The following KHDRBS2 variants were observed in gnomAD, a reference collection of about 807,000 sequenced individuals.
KHDRBS2 encodes KH domain-containing, RNA-binding, signal transduction-associated protein 2.
A neutral mutation model predicts 44.3 loss-of-function variants in KHDRBS2; 26 were observed. The observed-to-expected ratio is 0.59, with a 90% CI of 0.43 to 0.81. KHDRBS2 has a LOEUF of 0.81. Ranked by LOEUF, KHDRBS2 falls within the 40% of genes least tolerant of loss-of-function variation. The probability of loss-of-function intolerance (pLI) is 0.00; values close to 1 mark genes in which losing one functional copy is unlikely to be tolerated. For missense variants in KHDRBS2, 476 were observed against 433.1 expected (o/e 1.10, Z -0.88); for synonymous variants, 194 against 151.1 (o/e 1.28, Z -2.08).
chr6:61,815,909 T>A (rs555763620), intron 6 of KHDRBS2, among the ~76,000 whole-genome samples: 2 of 152,280 alleles, frequency 1.3e-5, no homozygotes, highest in African/African-American at 4.8e-5. Flanking sequence ...ATAATGCATA[T>A]TTATATTAAA....
chr6:62,005,357 T>C (rs946238486), intron 3 of KHDRBS2, among the ~76,000 whole-genome samples: 1 of 152,048 alleles, frequency 6.6e-6, no homozygotes, highest in Non-Finnish European at 1.5e-5. Context: ...TCTATTCCTG[T>C]CATCATTATT....
chr6:62,111,816 A>T (rs1805063029), intron 2 of KHDRBS2, among the ~76,000 whole-genome samples: 1 of 152,088 alleles, frequency 6.6e-6, no homozygotes, highest in Non-Finnish European at 1.5e-5. Flanking sequence ...CAGCAGTTTG[A>T]GGCTGCGATG....
At chr6:62,236,810 G>T (rs545571849) in intron 1 of KHDRBS2, among the ~76,000 whole-genome samples, 1 of 152,178 alleles carries the variant, frequency 6.6e-6, no homozygotes, top group Admixed American at 6.6e-5. Flanking sequence ...CTAAACATGT[G>T]CTTGGCGTAA....
intron 3 of KHDRBS2, among the ~76,000 whole-genome samples, chr6:61,995,406 G>A (rs1380678489): frequency 6.6e-6 from 1 of 152,102 alleles, no homozygotes; most frequent in African/African-American, 2.4e-5. Context: ...GATAGAAGAG[G>A]TATTGGCTCA....
intron 6 of KHDRBS2, among the ~76,000 whole-genome samples, chr6:61,848,501 A>G (rs1384234179): frequency 1.1e-4 from 7 of 63,786 alleles, no homozygotes; most frequent in African/African-American, 4.7e-4. Flanking sequence ...GTATATATAT[A>G]TATATATATG....
intron 1 of KHDRBS2, among the ~76,000 whole-genome samples, chr6:62,216,545 T>A (rs552792031): frequency 6.6e-6 from 1 of 151,688 alleles, no homozygotes; most frequent in South Asian, 2.1e-4. Context: ...TATATATTCA[T>A]TCTAAATGTC....
intron 2 of KHDRBS2, among the ~76,000 whole-genome samples, chr6:62,052,127 T>G (rs1254883417): frequency 6.6e-6 from 1 of 151,854 alleles, no homozygotes; most frequent in Non-Finnish European, 1.5e-5. Context: ...CAACAATCCC[T>G]CTCCTGGGCA....
At position 61,913,392 on chromosome 6, in the gene KHDRBS2, G is replaced by C. The variant is rs539965975; in HGVS notation, c.484-12021C>G. 2.6e-5 allele frequency among the ~76,000 whole-genome samples: 4 copies of C among 152,052 alleles called. No individual in the cohort carries two copies. The East Asian group carries it at 7.7e-4, about 29-fold the overall frequency. On this transcript the variant is annotated intron_variant, in intron 4 of 8. Transcript: ENST00000281156. Reference sequence around the variant, plus strand: ...TGCTCAGCACTGGGGGCAGAAAACTGGGTTTCTGTTGAACTTGTGCAAACA... The same window carrying C: ...TGCTCAGCACTGGGGGCAGAAAACTCGGTTTCTGTTGAACTTGTGCAAACA...
At chr6:62,035,643 G>C (rs1401652113) in intron 3 of KHDRBS2, among the ~76,000 whole-genome samples, 6 of 151,942 alleles carry the variant, frequency 3.9e-5, no homozygotes, top group African/African-American at 1.4e-4. Flanking sequence ...AACTAAAAGA[G>C]TATTATTGGA....
chr6:61,660,581 T>A, the KHDRBS2 span, among the ~76,000 whole-genome samples: 1 of 151,852 alleles, frequency 6.6e-6, no homozygotes, highest in Non-Finnish European at 1.5e-5. Context: ...ATCTTCCAAA[T>A]CATCTGTATC....
intron 6 of KHDRBS2, among the ~76,000 whole-genome samples, chr6:61,797,559 T>C (rs1785545656): frequency 6.6e-6 from 1 of 152,144 alleles, no homozygotes; most frequent in South Asian, 2.1e-4. Flanking sequence ...CCCCTTCTAC[T>C]GCTGGCCTCT....
At chr6:61,995,998 A>G (rs1562605666) in intron 3 of KHDRBS2, among the ~76,000 whole-genome samples, 1 of 152,224 alleles carries the variant, frequency 6.6e-6, no homozygotes, top group Non-Finnish European at 1.5e-5. Context: ...AGAAACTTAT[A>G]GATCATCTAA....
chr6:62,232,378 A>T (rs933403139), intron 1 of KHDRBS2, among the ~76,000 whole-genome samples: 2 of 152,162 alleles, frequency 1.3e-5, no homozygotes, highest in African/African-American at 4.8e-5. Context: ...TGTAATTGAG[A>T]ATGATTTTTA....
intron 6 of KHDRBS2, among the ~76,000 whole-genome samples, chr6:61,843,805 C>A: frequency 6.6e-6 from 1 of 151,950 alleles, no homozygotes; most frequent in Non-Finnish European, 1.5e-5. Flanking sequence ...ATTATATTAA[C>A]CACTATTGTG....
intron 2 of KHDRBS2, among the ~76,000 whole-genome samples, chr6:62,098,248 T>G (rs1030099385): frequency 6.0e-5 from 9 of 150,104 alleles, no homozygotes; most frequent in African/African-American, 2.2e-4. Flanking sequence ...TCAAACGTTT[T>G]TTTTTTTTTT....
intron 6 of KHDRBS2, among the ~76,000 whole-genome samples, chr6:61,781,677 CT>C (rs1562167440): frequency 6.6e-6 from 1 of 152,090 alleles, no homozygotes; most frequent in East Asian, 1.9e-4. Flanking sequence ...CAAGTCAGGG[CT>C]TTTAGGATAT....
intron 5 of KHDRBS2, 133 bp downstream of exon 5, chr6:61,901,111 G>C (rs755862803): frequency 5.7e-5 from 46 of 809,726 alleles, no homozygotes; most frequent in Non-Finnish European, 8.7e-5. Context: ...AGCTTTCATC[G>C]TTATTGTTTT....
chr6:61,894,978 C>G (rs572153756), intron 5 of KHDRBS2, 145 bp from the exon 6 acceptor site: 85 of 587,546 alleles, frequency 1.4e-4, no homozygotes, highest in African/African-American at 1.4e-3. Context: ...TGTGTGTATG[C>G]ATTTAATAGA....
intron 1 of KHDRBS2, among the ~76,000 whole-genome samples, chr6:62,271,598 G>A (rs563959166): frequency 6.6e-5 from 10 of 152,190 alleles, no homozygotes; most frequent in African/African-American, 2.4e-4. Flanking sequence ...TTCCCTATGT[G>A]TTATTGCCCC....
Sources: gnomAD v4.1 joint callset for allele counts (sites outside exome capture counted in the v4.1 genomes callset) on GRCh38, gnomAD v4.1.1 for gene constraint, MANE v1.5 for transcripts, NCBI Gene and HGNC (gene_info 2026-07-23, HGNC 2026-07-21) for gene names.